The following DLGAP2 variants were observed in gnomAD, a reference collection of about 807,000 sequenced individuals.
DLGAP2 encodes the protein disks large-associated protein 2.
In DLGAP2, 26 loss-of-function variants were observed where a neutral mutation model predicts 100.3. That is an observed-to-expected ratio of 0.26 (90% CI 0.19 to 0.36). DLGAP2 has a LOEUF of 0.36. Ranked by LOEUF, DLGAP2 falls within the 10% of genes least tolerant of loss-of-function variation. The probability of loss-of-function intolerance (pLI) is 1.00; values close to 1 mark genes in which losing one functional copy is unlikely to be tolerated. For missense variants in DLGAP2, 1,858 were observed against 1,453.2 expected, an observed-to-expected ratio of 1.28 and a Z score of -4.53; for synonymous variants, 886 against 630.1, an observed-to-expected ratio of 1.41 and a Z score of -6.08.
At position 1,678,554 on chromosome 8, in the gene DLGAP2, G is replaced by T. The variant is rs201059850; in HGVS notation, c.2629G>T (p.Ala877Ser). ...CTCGTGGTTTTTGAAGCTGCTGCAC[G>T]CAGAGACAAAGAGGATGGAAGGCTG... ...DGSWFLKLLH[A>S]ETKRMEGWCK... Residue 877 changes from alanine to serine, a missense_variant, in exon 12 of 15, where the codon GCA (alanine) becomes TCA (serine). Coordinates refer to ENST00000637795, the MANE Select transcript of DLGAP2 (RefSeq NM_001346810.2). The T allele has an allele frequency of 1.3e-6, 2 of 1,591,300 alleles. No homozygotes were observed. The highest frequency in any genetic ancestry group is 2.3e-5 in the East Asian group (1 of 43,700).
intron 2 of DLGAP2, among the ~76,000 whole-genome samples, chr8:1,185,156 C>T (rs1227219876): frequency 1.3e-5 from 2 of 152,132 alleles, no homozygotes; most frequent in Admixed American, 6.5e-5. Context: ...CTGTTGAACA[C>T]GTGCCGGGCG....
At chr8:1,295,379 GC>G (rs1454349700) in intron 3 of DLGAP2, among the ~76,000 whole-genome samples, 1 of 152,246 alleles carries the variant, frequency 6.6e-6, no homozygotes, top group African/African-American at 2.4e-5. Context: ...TGCAGGCTCT[GC>G]CCTCCTTGGT....
At chr8:1,048,623 T>G (rs1802585435) in intron 2 of DLGAP2, among the ~76,000 whole-genome samples, 1 of 151,816 alleles carries the variant, frequency 6.6e-6, no homozygotes, top group Non-Finnish European at 1.5e-5. Context: ...GGCCAAATAA[T>G]TTGAATAAGC....
rs572000650 is a variant in DLGAP2 at position 1,255,369 on chromosome 8, C to G, written c.74-3482C>G. Among the ~76,000 whole-genome samples, 7 of 116,154 alleles carry G rather than the reference C, an allele frequency of 6.0e-5. No individual in the cohort carries two copies. The East Asian group carries it at 2.0e-3, about 34-fold the overall frequency. 76.2% of individuals were successfully genotyped at this position (116,154 alleles called of 152,430 possible). Reference sequence around the variant, plus strand: ...TGCCTGGGTGCTGTGTGTGTGCCCTCTCATCCTGCCCGGGTGCTGTGTGTG... The same window carrying G: ...TGCCTGGGTGCTGTGTGTGTGCCCTGTCATCCTGCCCGGGTGCTGTGTGTG... On this transcript the variant is annotated intron_variant, in intron 2 of 14. Coordinates refer to ENST00000637795, the MANE Select transcript of DLGAP2 (RefSeq NM_001346810.2).
chr8:1,230,384 T>A (rs1798511647), intron 2 of DLGAP2, among the ~76,000 whole-genome samples: 1 of 152,154 alleles, frequency 6.6e-6, no homozygotes, highest in Non-Finnish European at 1.5e-5. Context: ...ACCAAAAACA[T>A]TCCATGATGA....
At chr8:1,626,372 C>G (rs1797498117) in intron 6 of DLGAP2, among the ~76,000 whole-genome samples, 2 of 118,150 alleles carry the variant, frequency 1.7e-5, no homozygotes, top group African/African-American at 7.1e-5. Context: ...GGTGCTCAGC[C>G]TCTGGGTGTG....
intron 2 of DLGAP2, among the ~76,000 whole-genome samples, chr8:1,230,619 C>CT (rs544839996): frequency 6.6e-6 from 1 of 152,260 alleles, no homozygotes; most frequent in African/African-American, 2.4e-5. Flanking sequence ...TACTATAAAC[C>CT]TACAGTAACC....
At chr8:853,389 G>C (rs1436260076) in intron 1 of DLGAP2, among the ~76,000 whole-genome samples, 2 of 152,244 alleles carry the variant, frequency 1.3e-5, no homozygotes, top group African/African-American at 4.8e-5. Context: ...ACGGTGCCCA[G>C]GGTTGTGCTG....
At chr8:846,808 G>A (rs1797078830) in intron 1 of DLGAP2, among the ~76,000 whole-genome samples, 1 of 152,136 alleles carries the variant, frequency 6.6e-6, no homozygotes, top group South Asian at 2.1e-4. Context: ...TAATTGGGAT[G>A]AGGTGATATC....
intron 3 of DLGAP2, among the ~76,000 whole-genome samples, chr8:1,277,403 G>A (rs926337736): frequency 2.6e-5 from 4 of 152,134 alleles, no homozygotes; most frequent in South Asian, 2.1e-4. Context: ...AAGAGAGCAC[G>A]GAGAAATACA....
chr8:1,658,267 A>G (rs965328011), intron 8 of DLGAP2, among the ~76,000 whole-genome samples: 1 of 152,092 alleles, frequency 6.6e-6, no homozygotes, highest in Non-Finnish European at 1.5e-5. Flanking sequence ...AGGAGATGCC[A>G]TATTGAATGT....
chr8:1,100,561 G>C (rs1279911950), intron 2 of DLGAP2, among the ~76,000 whole-genome samples: 1 of 151,746 alleles, frequency 6.6e-6, no homozygotes, highest in Admixed American at 6.6e-5. Context: ...GGCACCCCCG[G>C]TGGTCTCAGA....
rs185620579 is a variant in DLGAP2, at chr8:912,062, C to T, written c.73+4096C>T. On this transcript the variant is annotated intron_variant, in intron 2 of 14. Transcript: ENST00000637795. ...TCTGACTTCGGGCTTAGCTGCCTCA[C>T]ACAGCCTTTATCCTGAGTTTTTCAG... 2.6e-5 allele frequency among the ~76,000 whole-genome samples: 4 copies of T among 152,352 alleles called. No individual in the cohort carries two copies. The East Asian group carries it at 7.7e-4, about 29-fold the overall frequency.
chr8:1,285,167 T>G (rs138349115), intron 3 of DLGAP2, among the ~76,000 whole-genome samples: 2 of 152,348 alleles, frequency 1.3e-5, no homozygotes, highest in African/African-American at 2.4e-5. Flanking sequence ...CGTATTTTTC[T>G]GAGTGTTCTG....
At chr8:1,687,143 C>T (rs982820506) in intron 12 of DLGAP2, among the ~76,000 whole-genome samples, 4 of 152,164 alleles carry the variant, frequency 2.6e-5, no homozygotes, top group Non-Finnish European at 4.4e-5. Flanking sequence ...CAGGGGATCA[C>T]AGGGGTTACA....
Position 1,455,441 on chromosome 8 carries a change from G to C in DLGAP2, c.107-45925G>C, listed in dbSNP as rs1452225645. ...TGTCAGGACTCAGCTGTCGGGGAGAGAGCTGAAAGGAAGATGTCAACATTC... is the reference window on the plus strand; with the variant it reads ...TGTCAGGACTCAGCTGTCGGGGAGACAGCTGAAAGGAAGATGTCAACATTC... On this transcript the variant is annotated intron_variant, in intron 3 of 14. Transcript: ENST00000637795. Among the ~76,000 whole-genome samples the C allele has an allele frequency of 2.0e-5, 3 of 152,222 alleles. No individual in the cohort carries two copies. The South Asian group carries it at 6.2e-4, about 31-fold the overall frequency.
At chr8:1,637,828 T>C (rs1797804272) in intron 8 of DLGAP2, among the ~76,000 whole-genome samples, 1 of 152,116 alleles carries the variant, frequency 6.6e-6, no homozygotes, top group South Asian at 2.1e-4. Flanking sequence ...ACCTGCTGGG[T>C]GCTGTGAGAT....
chr8:1,228,593 A>C (rs1360494480), intron 2 of DLGAP2, among the ~76,000 whole-genome samples: 2 of 152,210 alleles, frequency 1.3e-5, no homozygotes, highest in Non-Finnish European at 2.9e-5. Flanking sequence ...CATAGAACAT[A>C]CCCAACTAGA....
chr8:805,975 T>A, intron 1 of DLGAP2, among the ~76,000 whole-genome samples: 1 of 152,202 alleles, frequency 6.6e-6, no homozygotes, highest in East Asian at 1.9e-4. Context: ...TCCTGCTGGG[T>A]TTCCCATCTA....
Sources: gnomAD v4.1 joint callset for allele counts (sites outside exome capture counted in the v4.1 genomes callset) on GRCh38, gnomAD v4.1.1 for gene constraint, MANE v1.5 for transcripts, NCBI Gene and HGNC (gene_info 2026-07-23, HGNC 2026-07-21) for gene names.